SENP1: variants seen among roughly 807,000 people sequenced by gnomAD.
SENP1 encodes the protein SUMO specific peptidase 1.
Under a neutral mutation model 93.0 loss-of-function variants are expected in SENP1, and 21 were observed. The observed-to-expected ratio is 0.23, with a 90% confidence interval of 0.16 to 0.33. SENP1 has a LOEUF of 0.33. SENP1 is among the 10% of genes least tolerant of loss of function. SENP1 has a pLI of 1.00. For missense variants in SENP1, 591 were observed against 758.7 expected, an observed-to-expected ratio of 0.78 and a Z score of 2.60; for synonymous variants, 256 against 259.6, an observed-to-expected ratio of 0.99 and a Z score of 0.13.
chr12:48,104,379 T>C (rs555157416), intron 1 of SENP1, among the ~76,000 whole-genome samples: 14 of 150,794 alleles, frequency 9.3e-5, no homozygotes, highest in Non-Finnish European at 1.9e-4. Context: ...AAAGCAACCA[T>C]GTGAAATCAC....
At chr12:48,050,404 G>A (rs531517329) in intron 13 of SENP1, among the ~76,000 whole-genome samples, 3 of 152,298 alleles carry the variant, frequency 2.0e-5, no homozygotes, top group Non-Finnish European at 2.9e-5. Flanking sequence ...AGGATGCCTA[G>A]GCAGCTGCGG....
At chr12:48,081,777 G>C (rs1039144007) in intron 6 of SENP1, among the ~76,000 whole-genome samples, 2 of 151,916 alleles carry the variant, frequency 1.3e-5, no homozygotes, top group Non-Finnish European at 2.9e-5. Context: ...TGTTGCCTAG[G>C]CTGGTCTCAA....
At position 48,068,275 on chromosome 12, in the gene SENP1, C is replaced by G. The variant is rs141031534; in HGVS notation, c.996-1310G>C. 5.2e-3 allele frequency among the ~76,000 whole-genome samples: 799 copies of G among 152,212 alleles called. 26 individuals are homozygous for G. The highest frequency in any genetic ancestry group is 0.047 in the Admixed American group (713 of 15,276). On this transcript the variant is annotated intron_variant, in intron 9 of 17. Transcript: ENST00000549518. ...CCGGAAAACAAAATGCAGGGAAAATCTGCTTTTCCAAAGAGATGCATTATT... is the reference window on the plus strand; with the variant it reads ...CCGGAAAACAAAATGCAGGGAAAATGTGCTTTTCCAAAGAGATGCATTATT...
At chr12:48,094,288 G>A (rs1027130584) in intron 4 of SENP1, among the ~76,000 whole-genome samples, 4 of 152,130 alleles carry the variant, frequency 2.6e-5, no homozygotes, top group Non-Finnish European at 5.9e-5. Flanking sequence ...ACTGAAGCAG[G>A]AGAATCGCAT....
chr12:48,071,855 G>GGA (rs372958593), intron 8 of SENP1, 134 bp from the exon 9 acceptor site: 30 of 561,648 alleles, frequency 5.3e-5, no homozygotes, highest in East Asian at 2.1e-4. Context: ...AGGTTAGATG[G>GGA]GAGAGAGAGA....
chr12:48,074,563 A>T lies in SENP1; in HGVS notation c.701T>A (p.Leu234Gln). 1 of 1,613,602 alleles carries T rather than the reference A, an allele frequency of 6.2e-7. No homozygotes were observed. Among genetic ancestry groups the T allele is most frequent in the Non-Finnish European group, 8.5e-7 (1 of 1,179,622 alleles). ...SSSKNTLKDS[L>Q]FKNGNSCASQ... ...TGCACAAGAGTTTCCATTTTTAAAC[A>T]GTGAGTCTTTCAAAGTATTTTTACT... The change falls in exon 8 of 18, where the codon CTG becomes CAG. Residue 234 changes from leucine (L) to glutamine (Q), a missense_variant. This residue lies in a region of SENP1 where 238 missense variants were observed against 259.1 expected (regional missense o/e 0.92). Coordinates refer to ENST00000549518, the MANE Select transcript of SENP1 (RefSeq NM_001267594.2).
intron 6 of SENP1, among the ~76,000 whole-genome samples, chr12:48,076,562 C>T (rs529025064): frequency 6.6e-6 from 1 of 152,152 alleles, no homozygotes; most frequent in East Asian, 1.9e-4. Flanking sequence ...GAACTCCTAA[C>T]CTCAAGTGAT....
intron 5 of SENP1, chr12:48,085,452 C>A: frequency 2.7e-6 from 2 of 741,068 alleles, no homozygotes; most frequent in Non-Finnish European, 4.3e-6. Context: ...TCACAGCCCT[C>A]AGCCCTTCCC....
chr12:48,096,465 T>C (rs768625679), intron 3 of SENP1, 38 bp from the exon 4 acceptor site: 1 of 1,428,884 alleles, frequency 7.0e-7, no homozygotes, highest in Non-Finnish European at 9.7e-7. Flanking sequence ...GTCACATTTT[T>C]TTTTTTTTTG....
At chr12:48,098,199 C>T (rs370368725) in intron 2 of SENP1, 75 bp from the exon 3 acceptor site, 25 of 1,462,128 alleles carry the variant, frequency 1.7e-5, no homozygotes, top group Middle Eastern at 4.1e-4. Flanking sequence ...AATCTTTTCA[C>T]CTAATAAAAA....
chr12:48,103,944 G>A (rs572031052), intron 1 of SENP1, among the ~76,000 whole-genome samples: 33 of 152,266 alleles, frequency 2.2e-4, no homozygotes, highest in African/African-American at 7.7e-4. Context: ...TGGGCACGGT[G>A]GCTCACACCT....
intron 14 of SENP1, among the ~76,000 whole-genome samples, chr12:48,048,517 T>C (rs1941544483): frequency 6.6e-6 from 1 of 152,214 alleles, no homozygotes; most frequent in African/African-American, 2.4e-5. Flanking sequence ...AAACAGACTG[T>C]GAAATAGTTT....
chr12:48,065,452 C>T (rs1943236543), intron 11 of SENP1, 144 bp downstream of exon 11: 1 of 646,846 alleles, frequency 1.5e-6, no homozygotes, highest in Non-Finnish European at 2.7e-6. Flanking sequence ...AGACCAAGAA[C>T]ATTTACGACA....
intron 17 of SENP1, among the ~76,000 whole-genome samples, chr12:48,045,700 C>T (rs1463255117): frequency 6.6e-6 from 1 of 152,104 alleles, no homozygotes; most frequent in African/African-American, 2.4e-5. Context: ...GGATATGAGC[C>T]TAGGCCTAAA....
chr12:48,057,941 CTTTTTTTTTT>C (rs370210767), intron 13 of SENP1, among the ~76,000 whole-genome samples: 12 of 85,690 alleles, frequency 1.4e-4, no homozygotes, highest in African/African-American at 4.9e-4. Flanking sequence ...TTTATTTCCT[CTTTTTTTTTT>C]TTTTTTTTTT....
intron 9 of SENP1, among the ~76,000 whole-genome samples, chr12:48,070,406 C>A (rs1943606921): frequency 6.6e-6 from 1 of 152,106 alleles, no homozygotes; most frequent in African/African-American, 2.4e-5. Flanking sequence ...TTCTTCATAG[C>A]ACTTATCACA....
In SENP1 at chr12:48,079,103, T is replaced by C. The variant is rs1944336545; in HGVS notation, c.553-4310A>G. 2.0e-5 allele frequency among the ~76,000 whole-genome samples: 3 copies of C among 152,142 alleles called. No homozygotes were observed. In the South Asian group the frequency reaches 6.2e-4, roughly 32 times the overall value. On this transcript the variant is annotated intron_variant, in intron 6 of 17. Coordinates refer to ENST00000549518, the MANE Select transcript of SENP1 (RefSeq NM_001267594.2). ...AAGTTGAGGCGGCAGTGAGCTGTGATTGCGCCACTGCATTCCAGCCTGGGT... is the reference window on the plus strand; with the variant it reads ...AAGTTGAGGCGGCAGTGAGCTGTGACTGCGCCACTGCATTCCAGCCTGGGT...
At chr12:48,086,392 TATTA>T (rs1466029833) in intron 5 of SENP1, among the ~76,000 whole-genome samples, 6 of 152,312 alleles carry the variant, frequency 3.9e-5, no homozygotes, top group East Asian at 1.9e-4. Context: ...TAGCAAATGA[TATTA>T]ATTATTAGGT....
chr12:48,095,901 T>C (rs1349242572), intron 4 of SENP1, among the ~76,000 whole-genome samples: 1 of 152,176 alleles, frequency 6.6e-6, no homozygotes, highest in Non-Finnish European at 1.5e-5. Flanking sequence ...CAGAAACATG[T>C]AGTTAACATT....
Sources: allele counts gnomAD v4.1 joint callset (sites outside exome capture counted in the v4.1 genomes callset), GRCh38; gene constraint gnomAD v4.1.1; regional missense constraint gnomAD v4.1.1; transcripts MANE v1.5; gene names NCBI Gene and HGNC (gene_info 2026-07-23, HGNC 2026-07-21).